Variants in SHANK2 observed in about 807,000 individuals in gnomAD.
SHANK2 encodes SH3 and multiple ankyrin repeat domains protein 2.
Under a neutral mutation model 133.7 loss-of-function variants are expected in SHANK2, and 43 were observed. The observed-to-expected ratio is 0.32, with a 90% CI of 0.25 to 0.41. SHANK2 has a LOEUF of 0.41. SHANK2 is among the 10% of genes least tolerant of loss of function. SHANK2 has a pLI of 1.00. For missense variants in SHANK2, 1,994 were observed against 2,235.8 expected (o/e 0.89, Z 2.18); for synonymous variants, 1,017 against 952.8 (o/e 1.07, Z -1.24).
chr11:70,762,323 C>A (rs905850039), intron 14 of SHANK2, among the ~76,000 whole-genome samples: 3 of 152,140 alleles, frequency 2.0e-5, no homozygotes, highest in Admixed American at 1.3e-4. Flanking sequence ...TGGCTGGAGA[C>A]AGAAGTTCTC....
chr11:71,119,681 A>C (rs1361928251), intron 3 of SHANK2, among the ~76,000 whole-genome samples: 2 of 151,604 alleles, frequency 1.3e-5, no homozygotes, highest in Non-Finnish European at 2.9e-5. Context: ...CACTTCTCAA[A>C]CTCCAGCAGT....
intron 6 of SHANK2, among the ~76,000 whole-genome samples, chr11:71,097,292 C>G (rs1951633361): frequency 1.3e-5 from 2 of 152,010 alleles, no homozygotes; most frequent in Non-Finnish European, 1.5e-5. Context: ...TGGAATCACC[C>G]CCGAGAAGAT....
chr11:71,119,170 TC>T (rs1388167584), intron 3 of SHANK2, 138 bp from the exon 4 acceptor site: 26 of 660,960 alleles, frequency 3.9e-5, no homozygotes, highest in Non-Finnish European at 5.4e-5. Context: ...CCACGGCTTT[TC>T]ACAGTGAAAA....
chr11:70,498,072 G>GGACCT (rs1276097821), intron 21 of SHANK2, among the ~76,000 whole-genome samples: 1 of 152,190 alleles, frequency 6.6e-6, no homozygotes, highest in Non-Finnish European at 1.5e-5. Flanking sequence ...AGCTTTCCTG[G>GGACCT]GACCTGATTC....
rs1315852842 is a variant in SHANK2 at position 71,065,954 on chromosome 11, C to G, written c.1029+9205G>C. ...TGGTGGGGGCGGGGTACAGAAGTCT[C>G]CCAGGGAGATGAGCAGTGAGTGGGG... is the stretch of plus-strand genomic sequence containing the variant. On this transcript the variant is annotated intron_variant, in intron 9 of 25. Coordinates refer to ENST00000601538, the MANE Select transcript of SHANK2 (RefSeq NM_012309.5). Among the ~76,000 whole-genome samples the G allele has an allele frequency of 4.3e-5, 5 of 115,626 alleles. No individual in the cohort carries two copies. The Admixed American group carries it at 4.5e-4, about 10-fold the overall frequency. 75.9% of individuals were successfully genotyped at this position (115,626 alleles called of 152,430 possible).
chr11:70,554,122 G>A (rs936669364), intron 17 of SHANK2, among the ~76,000 whole-genome samples: 1 of 152,222 alleles, frequency 6.6e-6, no homozygotes, highest in Non-Finnish European at 1.5e-5. Context: ...GCTGATAGGG[G>A]AGGAACTCCC....
At chr11:70,601,784 C>T (rs1322216569) in intron 17 of SHANK2, among the ~76,000 whole-genome samples, 1 of 152,186 alleles carries the variant, frequency 6.6e-6, no homozygotes, top group African/African-American at 2.4e-5. Context: ...AAAAGATGCT[C>T]AAGTCCATTA....
intron 17 of SHANK2, among the ~76,000 whole-genome samples, chr11:70,617,269 CTA>C (rs2060759423): frequency 6.6e-6 from 1 of 150,884 alleles, no homozygotes; most frequent in African/African-American, 2.4e-5. Context: ...GTGTCAATGT[CTA>C]TGATGGTGTA....
At chr11:71,077,132 C>T (rs1236264195) in intron 8 of SHANK2, among the ~76,000 whole-genome samples, 2 of 152,218 alleles carry the variant, frequency 1.3e-5, no homozygotes, top group African/African-American at 4.8e-5. Flanking sequence ...ACTCCCTCCC[C>T]TCACCCAGTC....
intron 11 of SHANK2, among the ~76,000 whole-genome samples, chr11:70,883,311 C>T (rs556459642): frequency 3.3e-5 from 5 of 152,304 alleles, no homozygotes; most frequent in Admixed American, 6.5e-5. Flanking sequence ...CATCCTGACT[C>T]TATGCCCCAT....
At chr11:70,688,446 A>G (rs1353791658) in intron 15 of SHANK2, among the ~76,000 whole-genome samples, 2 of 152,142 alleles carry the variant, frequency 1.3e-5, no homozygotes, top group Non-Finnish European at 2.9e-5. Flanking sequence ...AGTACTGGAG[A>G]AGGAGGAGTC....
intron 10 of SHANK2, among the ~76,000 whole-genome samples, chr11:70,901,911 A>G (rs1950028329): frequency 6.6e-6 from 1 of 152,210 alleles, no homozygotes; most frequent in Admixed American, 6.5e-5. Flanking sequence ...CTGGTAAGTC[A>G]TGGGAGGAAT....
intron 14 of SHANK2, among the ~76,000 whole-genome samples, chr11:70,770,526 A>G (rs1025404773): frequency 6.6e-6 from 1 of 152,344 alleles, no homozygotes; most frequent in East Asian, 1.9e-4. Flanking sequence ...AGCCGGGGTC[A>G]CCATGTGATG....
rs868917090 is a variant in SHANK2 at position 71,245,128 on chromosome 11, G to A, written c.-113+7297C>T. Among the ~76,000 whole-genome samples, 4 of 151,866 alleles carry A rather than the reference G, an allele frequency of 2.6e-5. No homozygotes were observed. The South Asian group carries it at 8.3e-4, about 32-fold the overall frequency. ...CCTGAGTAGCTGGGACCACAGGTGC[G>A]TGCCACTACACCTGGCTAATTTTTT... On this transcript the variant is annotated intron_variant, in intron 1 of 25. Coordinates refer to ENST00000601538, the MANE Select transcript of SHANK2 (RefSeq NM_012309.5).
chr11:71,180,001 G>A (rs782734356), intron 2 of SHANK2, among the ~76,000 whole-genome samples: 9 of 152,156 alleles, frequency 5.9e-5, no homozygotes, highest in Non-Finnish European at 1.3e-4. Flanking sequence ...AACCTCTGCT[G>A]GCCAATTAAG....
At chr11:70,523,685 C>T (rs532682161) in intron 17 of SHANK2, among the ~76,000 whole-genome samples, 2 of 152,310 alleles carry the variant, frequency 1.3e-5, no homozygotes, top group South Asian at 4.1e-4. Flanking sequence ...TTCACCGCTT[C>T]CTGTGTCAGG....
At chr11:70,847,794 T>A (rs1555064006) in intron 11 of SHANK2, among the ~76,000 whole-genome samples, 1 of 152,182 alleles carries the variant, frequency 6.6e-6, no homozygotes, top group African/African-American at 2.4e-5. Context: ...GTCCTCATCA[T>A]CTGGCTGCAG....
chr11:71,144,411 C>T (rs1173668272), intron 3 of SHANK2, among the ~76,000 whole-genome samples: 4 of 152,188 alleles, frequency 2.6e-5, no homozygotes, highest in African/African-American at 9.6e-5. Flanking sequence ...TGGGCAGATA[C>T]AGAGGACCCC....
At chr11:70,771,542 G>T (rs1373657778) in intron 14 of SHANK2, among the ~76,000 whole-genome samples, 2 of 152,036 alleles carry the variant, frequency 1.3e-5, no homozygotes, top group Non-Finnish European at 2.9e-5. Context: ...GGTGGAGTGG[G>T]TGGGTATCCA....
Sources: gnomAD v4.1 joint callset for allele counts (sites outside exome capture counted in the v4.1 genomes callset) on GRCh38, gnomAD v4.1.1 for gene constraint, MANE v1.5 for transcripts, NCBI Gene and HGNC (gene_info 2026-07-23, HGNC 2026-07-21) for gene names.